The following TNFRSF1A variants were observed in gnomAD, a reference collection of about 807,000 sequenced individuals.
The protein encoded by TNFRSF1A is TNF receptor superfamily member 1A, also known as tumor necrosis factor receptor superfamily member 1A.
TNFRSF1A carries 9 observed loss-of-function variants against 41.6 expected under a neutral mutation model. That is an observed-to-expected ratio of 0.22 (90% confidence interval 0.13 to 0.38). TNFRSF1A has a LOEUF of 0.38. Among genes scored for constraint, TNFRSF1A ranks in the 10% least tolerant of loss-of-function variants. The probability of loss-of-function intolerance (pLI) is 1.00; values close to 1 mark genes in which losing one functional copy is unlikely to be tolerated. For missense variants in TNFRSF1A, 463 were observed against 591.5 expected (o/e 0.78, Z 2.25); for synonymous variants, 254 against 248.6 (o/e 1.02, Z -0.21).
At position 6,330,169 on chromosome 12, in the gene TNFRSF1A, C is replaced by A. The variant is rs1948025956; in HGVS notation, c.768+98G>T. The stretch of plus-strand genomic sequence containing the variant: ...GGGACTTAGAGGGAATGAGGCGAGC[C>A]CCCGGAAAGTGAAGGATGATTCCAG... On this transcript the variant is annotated intron_variant, in intron 8 of 9. Coordinates refer to ENST00000162749, the MANE Select transcript of TNFRSF1A (RefSeq NM_001065.4). 2.5e-6 allele frequency: 4 copies of A among 1,612,254 alleles called. No individual in the cohort carries two copies. The South Asian group carries it at 4.4e-5, about 18-fold the overall frequency.
chr12:6,334,436 T>G lies in TNFRSF1A; in HGVS notation c.40-192A>C, dbSNP rs1269654285. The stretch of plus-strand genomic sequence containing the variant: ...TGGGGCCATACAATCTGATGCTTAA[T>G]TGTTCTCTAGTTGTCCTGTGTGTTC... On this transcript the variant is annotated intron_variant, in intron 1 of 9. Coordinates refer to ENST00000162749, the MANE Select transcript of TNFRSF1A (RefSeq NM_001065.4). The surrounding 1 kb of genome is among the most constrained non-coding windows in gnomAD (Gnocchi z 5.1). Among the ~76,000 whole-genome samples, 2 of 152,176 alleles carry G rather than the reference T, an allele frequency of 1.3e-5. No homozygotes were observed. The highest frequency in any genetic ancestry group is 3.8e-4 in the East Asian group (2 of 5,196).
At chr12:6,335,392 G>T (rs528364156) in intron 1 of TNFRSF1A, among the ~76,000 whole-genome samples, 2 of 152,166 alleles carry the variant, frequency 1.3e-5, no homozygotes, top group African/African-American at 4.8e-5. Context: ...TGACTGTCAG[G>T]TCAGAGCTGA....
rs377747551 is a variant in TNFRSF1A, at chr12:6,338,958, G to A, written c.39+2818C>T. 3.0e-4 allele frequency among the ~76,000 whole-genome samples: 46 copies of A among 152,232 alleles called. 1 individual carries two copies. In the South Asian group the frequency reaches 6.4e-3, roughly 21 times the overall value. ...ATGCCTCACCTCACTTCTAATCACA[G>A]TCTGGGCACAGAATGTGCCCTAGGA... is the stretch of plus-strand genomic sequence containing the variant. On this transcript the variant is annotated intron_variant, in intron 1 of 9. Transcript: ENST00000162749.
chr12:6,332,992 C>T (rs958178591), intron 5 of TNFRSF1A, 77 bp downstream of exon 5: 2 of 1,364,144 alleles, frequency 1.5e-6, no homozygotes, highest in African/African-American at 1.4e-5. Flanking sequence ...ATCTGTTGCC[C>T]AGCTAATGGT....
At position 6,329,465 on chromosome 12, in the gene TNFRSF1A, C is replaced by T. The variant is rs1410563545; in HGVS notation, c.1215G>A (p.Ala405=). ...GCCGCGGCGTGCGCCGCCTCCAGGT[C>T]GCCAGCATGCTGTATTGCGCCTCGC... The part of the protein sequence containing the change: ...CLREAQYSML[A]TWRRRTPRRE... The change falls in exon 10 of 10, where the codon GCG becomes GCA. Residue 405 remains alanine (A), a synonymous_variant. Coordinates refer to ENST00000162749, the MANE Select transcript of TNFRSF1A (RefSeq NM_001065.4). 2 of 1,592,038 alleles carry T rather than the reference C, an allele frequency of 1.3e-6. No individual in the cohort carries two copies. The highest frequency in any genetic ancestry group is 1.3e-5 in the African/African-American group (1 of 74,266).
chr12:6,329,736 C>T (rs777214812), intron 9 of TNFRSF1A, 42 bp downstream of exon 9: 2 of 1,573,870 alleles, frequency 1.3e-6, no homozygotes, highest in Non-Finnish European at 1.7e-6. Context: ...CTCCCCCGGC[C>T]CTCCCCCAGC....
In TNFRSF1A at chr12:6,337,256, G is replaced by A. The variant is rs1304934045; in HGVS notation, c.40-3012C>T. 6.6e-6 allele frequency among the ~76,000 whole-genome samples: 1 copy of A among 152,218 alleles called. No homozygotes were observed. Among genetic ancestry groups the A allele is most frequent in the Non-Finnish European group, 1.5e-5 (1 of 68,046 alleles). On this transcript the variant is annotated intron_variant, in intron 1 of 9. Transcript: ENST00000162749. This position sits in a 1 kb window ranked among gnomAD's most constrained non-coding sequence, Gnocchi z 4.6. Reference sequence around the variant, plus strand: ...AAGCAAAACAGGAGAAACAGGAGGTGAGCTCTTTAGGCCCAGACTCCAGCC... The same window carrying A: ...AAGCAAAACAGGAGAAACAGGAGGTAAGCTCTTTAGGCCCAGACTCCAGCC...
Position 6,329,111 on chromosome 12 carries a change from G to T in TNFRSF1A, c.*201C>A. 1 of 474,580 alleles carries T rather than the reference G, an allele frequency of 2.1e-6. No homozygotes were observed. The highest frequency in any genetic ancestry group is 3.5e-6 in the Non-Finnish European group (1 of 287,042). The allele number at this position is 474,580 out of a possible 1,614,324, so 29.4% of individuals were successfully genotyped here. A position where few individuals can be genotyped will look rare whatever the true frequency, so the allele number is the denominator to read the frequency against. ...CCACTCAGGCTCTTGAGCCCACGGC[G>T]CACCTCTCTCCGCGCGCACAGCGCT... is the stretch of plus-strand genomic sequence containing the variant. On this transcript the variant is annotated 3_prime_UTR_variant, in exon 10 of 10. Transcript: ENST00000162749.
rs104895260 is a variant in TNFRSF1A at position 6,333,470 on chromosome 12, G to A, written c.369C>T (p.Thr123=). The A allele has an allele frequency of 5.0e-4, 813 of 1,613,952 alleles. No homozygotes were observed. Among genetic ancestry groups the A allele is most frequent in the Non-Finnish European group, 6.5e-4 (771 of 1,180,016 alleles). The change falls in exon 4 of 10, where the codon ACC becomes ACT. Residue 123 remains threonine (T), a synonymous_variant. Coordinates refer to ENST00000162749, the MANE Select transcript of TNFRSF1A (RefSeq NM_001065.4). This position sits in a 1 kb window ranked among gnomAD's most constrained non-coding sequence, Gnocchi z 6.3. ...EISSCTVDRD[T]VCGCRKNQYR... is the part of the protein sequence containing the mutation. ...ACTGGTTCTTCCTGCAGCCACACAC[G>A]GTGTCCCGGTCCACTGTGCAAGAAG...
At position 6,341,112 on chromosome 12, in the gene TNFRSF1A, C is replaced by T. The variant is rs183339037; in HGVS notation, c.39+664G>A. 2.6e-5 allele frequency among the ~76,000 whole-genome samples: 4 copies of T among 152,170 alleles called. No individual in the cohort carries two copies. The East Asian group carries it at 7.7e-4, about 29-fold the overall frequency. On this transcript the variant is annotated intron_variant, in intron 1 of 9. Transcript: ENST00000162749. This position sits in a 1 kb window ranked among gnomAD's most constrained non-coding sequence, Gnocchi z 4.6. ...CAGGCAAAAGGGTAAAGAATGTCCC[C>T]AGGTGAGAGGCCGGGGCTTGGCCAG...
chr12:6,335,075 C>A (rs1427644638), intron 1 of TNFRSF1A, among the ~76,000 whole-genome samples: 3 of 152,096 alleles, frequency 2.0e-5, no homozygotes, highest in Non-Finnish European at 2.9e-5. Context: ...AGTCAGCTGG[C>A]GGTGGGGGCG....
At chr12:6,338,458 T>C (rs2136829376) in intron 1 of TNFRSF1A, among the ~76,000 whole-genome samples, 1 of 152,264 alleles carries the variant, frequency 6.6e-6, no homozygotes, top group South Asian at 2.1e-4. Context: ...TAAATCTTCA[T>C]TCAGGCTTTA....
Position 6,333,271 on chromosome 12 carries a change from A to C in TNFRSF1A, c.472+96T>G, listed in dbSNP as rs748066590. On this transcript the variant is annotated intron_variant, in intron 4 of 9. Coordinates refer to ENST00000162749, the MANE Select transcript of TNFRSF1A (RefSeq NM_001065.4). This position sits in a 1 kb window ranked among gnomAD's most constrained non-coding sequence, Gnocchi z 6.3. ...AGGAGTTGGTTGTCAGACCCACAGA[A>C]TACAGGAGGGGGAAGGAAAGGAAGT... is the stretch of plus-strand genomic sequence containing the variant. The C allele has an allele frequency of 2.1e-4, 326 of 1,555,858 alleles. No individual in the cohort carries two copies. Among genetic ancestry groups the C allele is most frequent in the Non-Finnish European group, 2.6e-4 (294 of 1,139,806 alleles).
rs200188649 is a variant in TNFRSF1A, at chr12:6,329,248, A to G, written c.*64T>C. 2.8e-4 allele frequency: 402 copies of G among 1,416,108 alleles called. 5 individuals carry two copies. The East Asian group carries it at 0.01, about 36-fold the overall frequency. The allele number at this position is 1,416,108 out of a possible 1,614,324, so 87.7% of individuals were successfully genotyped here. A position where few individuals can be genotyped will look rare whatever the true frequency, so the allele number is the denominator to read the frequency against. On this transcript the variant is annotated 3_prime_UTR_variant, in exon 10 of 10. Transcript: ENST00000162749. ...CCCTGCAGGACCCCTCCTTTCCAGA[A>G]AAAAGTGGGGTTGGAAGGCGATCTC...
At chr12:6,336,928 C>T (rs1948129033) in intron 1 of TNFRSF1A, among the ~76,000 whole-genome samples, 1 of 152,220 alleles carries the variant, frequency 6.6e-6, no homozygotes, top group East Asian at 1.9e-4. Flanking sequence ...CCTGGGGTCC[C>T]CAGACAATCC....
At position 6,333,344 on chromosome 12, in the gene TNFRSF1A, G is replaced by T; in HGVS notation, c.472+23C>A. On this transcript the variant is annotated intron_variant, in intron 4 of 9. Coordinates refer to ENST00000162749, the MANE Select transcript of TNFRSF1A (RefSeq NM_001065.4). This position sits in a 1 kb window ranked among gnomAD's most constrained non-coding sequence, Gnocchi z 6.3. ...AACCCCTGGGGTGGGGAGAGGGCTT[G>T]GCCTCAGGAGAGCTGCGCTCACAGG... 2 of 1,611,446 alleles carry T rather than the reference G, an allele frequency of 1.2e-6. No individual in the cohort carries two copies. Among genetic ancestry groups the T allele is most frequent in the East Asian group, 2.2e-5 (1 of 44,792 alleles).
rs1269654285 is a variant in TNFRSF1A, at chr12:6,334,436, T to C, written c.40-192A>G. 6.6e-6 allele frequency among the ~76,000 whole-genome samples: 1 copy of C among 152,176 alleles called. No homozygotes were observed. On this transcript the variant is annotated intron_variant, in intron 1 of 9. Coordinates refer to ENST00000162749, the MANE Select transcript of TNFRSF1A (RefSeq NM_001065.4). The surrounding 1 kb of genome is among the most constrained non-coding windows in gnomAD (Gnocchi z 5.1). Reference sequence around the variant, plus strand: ...TGGGGCCATACAATCTGATGCTTAATTGTTCTCTAGTTGTCCTGTGTGTTC... The same window carrying C: ...TGGGGCCATACAATCTGATGCTTAACTGTTCTCTAGTTGTCCTGTGTGTTC...
intron 1 of TNFRSF1A, among the ~76,000 whole-genome samples, chr12:6,335,091 T>C (rs1186504172): frequency 1.3e-5 from 2 of 152,088 alleles, no homozygotes; most frequent in African/African-American, 2.4e-5. Flanking sequence ...GGGCGAGTGA[T>C]GTTCCCGTGA....
chr12:6,340,649 G>C (rs1948183620), intron 1 of TNFRSF1A, among the ~76,000 whole-genome samples: 1 of 152,192 alleles, frequency 6.6e-6, no homozygotes, highest in African/African-American at 2.4e-5. Flanking sequence ...CAAAAAAAGA[G>C]GCTCTGAGAA....
Sources: gnomAD v4.1 joint callset for allele counts (sites outside exome capture counted in the v4.1 genomes callset) on GRCh38, gnomAD v4.1.1 for gene constraint, Gnocchi (gnomAD v3.1) non-coding constraint, MANE v1.5 for transcripts, NCBI Gene and HGNC (gene_info 2026-07-23, HGNC 2026-07-21) for gene names.